CHSY3: variants seen among roughly 807,000 people sequenced by gnomAD.
CHSY3 encodes N-acetylgalactosaminyl-proteoglycan 3-beta-glucuronosyltransferase 3.
CHSY3 carries 35 observed loss-of-function variants against 67.2 expected under a neutral mutation model. That is an observed-to-expected ratio of 0.52 (90% CI 0.40 to 0.69). The LOEUF (loss-of-function observed/expected upper bound fraction) is 0.69. CHSY3 is among the 30% of genes least tolerant of loss of function. The pLI is 0.00. For missense variants in CHSY3, 1,069 were observed against 1,138.5 expected (o/e 0.94, Z 0.88); for synonymous variants, 474 against 434.7 (o/e 1.09, Z -1.12).
rs552127902 is a variant in CHSY3 at position 130,154,852 on chromosome 5, T to C, written c.1087-29377T>C. Reference sequence around the variant, plus strand: ...AGATCTTCCTAGGAAGGTAGAGTGTTAGATAGAGACTGGCAAACCCTGTAC... The same window carrying C: ...AGATCTTCCTAGGAAGGTAGAGTGTCAGATAGAGACTGGCAAACCCTGTAC... On this transcript the variant is annotated intron_variant, in intron 2 of 2. Transcript: ENST00000305031. 3.3e-5 allele frequency among the ~76,000 whole-genome samples: 5 copies of C among 152,276 alleles called. No homozygotes were observed. In the East Asian group the frequency reaches 9.6e-4, roughly 29 times the overall value.
chr5:130,184,311 C>T lies in CHSY3; in HGVS notation c.1169C>T (p.Ala390Val). The change falls in exon 3 of 3, where the codon GCC becomes GTC. Residue 390 changes from alanine to valine, a missense_variant. Coordinates refer to ENST00000305031, the MANE Select transcript of CHSY3 (RefSeq NM_175856.5). ...CTTCACAATAGCAAAATCCATGCAG[C>T]CATAACACTTCATCCCAACAAAAGG... ...QDLHNSKIHA[A>V]ITLHPNKRPA... The T allele has an allele frequency of 6.2e-7, 1 of 1,614,000 alleles. No homozygotes were observed. Among genetic ancestry groups the T allele is most frequent in the East Asian group, 2.2e-5 (1 of 44,882 alleles).
rs371592049 is a variant in CHSY3, at chr5:130,184,817, C to T, written c.1675C>T (p.Arg559Cys). ...KGRKLTVPVR[R>C]HAYLQQLFSK... ...AAGGAAACTGACTGTGCCAGTGAGA[C>T]GTCATGCCTATCTTCAGCAGTTGTT... Residue 559 changes from arginine to cysteine, a missense_variant, in exon 3 of 3, where the codon CGT (arginine) becomes TGT (cysteine). Arg to Cys is a radical substitution (Grantham distance 180). Transcript: ENST00000305031. The T allele has an allele frequency of 2.5e-6, 4 of 1,609,914 alleles. No homozygotes were observed. Among genetic ancestry groups the T allele is most frequent in the African/African-American group, 1.3e-5 (1 of 74,962 alleles).
intron 2 of CHSY3, chr5:130,141,733 G>C: frequency 2.0e-6 from 1 of 512,522 alleles, no homozygotes; most frequent in Non-Finnish European, 3.9e-6. Context: ...GAAGATTCTT[G>C]ATAAGGGTAT....
chr5:130,096,145 G>A (rs1322857224), intron 2 of CHSY3, among the ~76,000 whole-genome samples: 3 of 152,062 alleles, frequency 2.0e-5, no homozygotes, highest in African/African-American at 7.2e-5. Flanking sequence ...CAAAAAAACT[G>A]CATAACTAGA....
chr5:130,134,970 C>T (rs1033862406), intron 2 of CHSY3, among the ~76,000 whole-genome samples: 2 of 151,838 alleles, frequency 1.3e-5, no homozygotes, highest in Non-Finnish European at 2.9e-5. Flanking sequence ...ATTTGTGAAT[C>T]TTATCTTTCG....
intron 2 of CHSY3, among the ~76,000 whole-genome samples, chr5:129,920,612 A>C (rs1230177337): frequency 6.6e-6 from 1 of 152,172 alleles, no homozygotes; most frequent in African/African-American, 2.4e-5. Context: ...AGTTACCATC[A>C]GTTGGAACAC....
chr5:130,031,713 A>G (rs936567268), intron 2 of CHSY3, among the ~76,000 whole-genome samples: 1 of 152,190 alleles, frequency 6.6e-6, no homozygotes, highest in Non-Finnish European at 1.5e-5. Flanking sequence ...TGTTCATTCA[A>G]CATTGTAACT....
At chr5:130,169,200 T>C (rs1769833106) in intron 2 of CHSY3, among the ~76,000 whole-genome samples, 1 of 152,140 alleles carries the variant, frequency 6.6e-6, no homozygotes, top group Non-Finnish European at 1.5e-5. Flanking sequence ...TTCTCCTCTG[T>C]ACCTTATTAC....
chr5:130,028,650 G>T (rs946738573), intron 2 of CHSY3, among the ~76,000 whole-genome samples: 2 of 152,052 alleles, frequency 1.3e-5, no homozygotes, highest in Non-Finnish European at 2.9e-5. Flanking sequence ...AAGTATAGGG[G>T]TGGTCCTAGT....
At chr5:130,041,478 G>A (rs187373803) in intron 2 of CHSY3, among the ~76,000 whole-genome samples, 31 of 152,152 alleles carry the variant, frequency 2.0e-4, no homozygotes, top group Middle Eastern at 3.4e-3. Flanking sequence ...AAATGTAAGA[G>A]GCATCAAGAC....
chr5:130,042,539 T>C lies in CHSY3; in HGVS notation c.1086+134179T>C, dbSNP rs929152911. On this transcript the variant is annotated intron_variant, in intron 2 of 2. Transcript: ENST00000305031. ...TTTATTTGATAGCAACCTGCACATATGAAACTATTTCAGTATTTGTTTTTT... is the reference window on the plus strand; with the variant it reads ...TTTATTTGATAGCAACCTGCACATACGAAACTATTTCAGTATTTGTTTTTT... Among the ~76,000 whole-genome samples the C allele has an allele frequency of 5.3e-5, 8 of 152,256 alleles. No homozygotes were observed. The East Asian group carries it at 1.2e-3, about 22-fold the overall frequency.
intron 2 of CHSY3, among the ~76,000 whole-genome samples, chr5:130,151,085 CATT>C (rs1769220043): frequency 6.6e-6 from 1 of 152,134 alleles, no homozygotes; most frequent in Non-Finnish European, 1.5e-5. Context: ...AGTTCAGCAT[CATT>C]AAGAACCACA....
At chr5:130,120,711 T>C (rs907654589) in intron 2 of CHSY3, among the ~76,000 whole-genome samples, 2 of 152,034 alleles carry the variant, frequency 1.3e-5, no homozygotes, top group African/African-American at 4.8e-5. Flanking sequence ...AGATTTGTTG[T>C]CAGGATTAAC....
At chr5:129,914,602 C>T (rs1463916826) in intron 2 of CHSY3, among the ~76,000 whole-genome samples, 1 of 152,212 alleles carries the variant, frequency 6.6e-6, no homozygotes, top group Non-Finnish European at 1.5e-5. Flanking sequence ...AAGCTTCTCA[C>T]ACCTACTCTT....
At chr5:130,075,701 G>T (rs970074898) in intron 2 of CHSY3, among the ~76,000 whole-genome samples, 16 of 152,234 alleles carry the variant, frequency 1.1e-4, no homozygotes, top group Middle Eastern at 3.4e-3. Context: ...TTAGGGAAAT[G>T]AAGTAATAGT....
At chr5:129,920,910 C>T (rs909497905) in intron 2 of CHSY3, among the ~76,000 whole-genome samples, 8 of 152,072 alleles carry the variant, frequency 5.3e-5, no homozygotes, top group Admixed American at 1.3e-4. Flanking sequence ...CCTCGACTTC[C>T]TGGGCTCAGG....
intron 2 of CHSY3, among the ~76,000 whole-genome samples, chr5:130,177,925 C>G (rs1770104898): frequency 1.3e-5 from 2 of 151,840 alleles, no homozygotes; most frequent in South Asian, 2.1e-4. Context: ...ATTCCTTAAA[C>G]TTTTCCCACA....
At position 130,185,901 on chromosome 5, in the gene CHSY3, A is replaced by G. The variant is rs1372478501; in HGVS notation, c.*110A>G. On this transcript the variant is annotated 3_prime_UTR_variant, in exon 3 of 3. Transcript: ENST00000305031. ...TTATTATTATTATTGTTATAATTTT[A>G]TTTTGTTGTCCTGGTCTTAAACTAC... The G allele has an allele frequency of 1.6e-6, 1 of 612,526 alleles. No homozygotes were observed. Among genetic ancestry groups the G allele is most frequent in the Non-Finnish European group, 2.4e-6 (1 of 421,084 alleles). 37.9% of individuals were successfully genotyped at this position (612,526 alleles called of 1,614,324 possible).
intron 2 of CHSY3, among the ~76,000 whole-genome samples, chr5:130,041,890 G>A (rs1346242477): frequency 1.3e-5 from 2 of 152,062 alleles, no homozygotes; most frequent in African/African-American, 4.8e-5. Context: ...CAGAGAGAAA[G>A]GGTAACAATG....
Sources: gnomAD v4.1 joint callset for allele counts (sites outside exome capture counted in the v4.1 genomes callset) on GRCh38, gnomAD v4.1.1 for gene constraint, MANE v1.5 for transcripts, NCBI Gene and HGNC (gene_info 2026-07-23, HGNC 2026-07-21) for gene names.